The following NBPF3 variants were observed in gnomAD, a reference collection of about 807,000 sequenced individuals.
NBPF3 encodes the protein NBPF family member NBPF3.
In NBPF3, 57 loss-of-function variants were observed where a neutral mutation model predicts 78.1. The observed-to-expected ratio is 0.73, with a 90% CI of 0.59 to 0.91. The LOEUF (loss-of-function observed/expected upper bound fraction) is 0.91. NBPF3 is among the 40% of genes least tolerant of loss of function. NBPF3 has a pLI of 0.00. For synonymous variants in NBPF3, 182 were observed against 271.7 expected (o/e 0.67, Z 3.25); for missense variants, 510 against 715.3 (o/e 0.71, Z 3.27).
chr1:21,465,117 A>G (rs1171828221), intron 2 of NBPF3, among the ~76,000 whole-genome samples: 1 of 152,058 alleles, frequency 6.6e-6, no homozygotes, highest in Non-Finnish European at 1.5e-5. Flanking sequence ...TAAATTCCAG[A>G]AGATTTCCTT....
chr1:21,459,863 G>A, intron 2 of NBPF3: 1 of 248,588 alleles, frequency 4.0e-6, no homozygotes. Flanking sequence ...GTGAGTCCAG[G>A]ACCACAGTAC....
rs1640531907 is a variant in NBPF3, at chr1:21,440,140, G to T, written c.-348G>T. On this transcript the variant is annotated 5_prime_UTR_variant, in exon 1 of 15. It adds an upstream start codon to the 5' untranslated region. Transcript: ENST00000318249. ...AGGCGCAGGCGCAGGCGCAGGCACA[G>T]GCGAGGGGTTGGGTGGCGGTTGAGA... 6.6e-6 allele frequency: 1 copy of T among 152,506 alleles called. No individual in the cohort carries two copies. Among genetic ancestry groups the T allele is most frequent in the Non-Finnish European group, 1.5e-5 (1 of 68,248 alleles). 9.4% of individuals were successfully genotyped at this position (152,506 alleles called of 1,614,324 possible).
chr1:21,457,190 A>G (rs12063807), intron 2 of NBPF3, among the ~76,000 whole-genome samples: 65 of 89,994 alleles, frequency 7.2e-4, no homozygotes, highest in Middle Eastern at 0.014. Context: ...GTGTGTGTGT[A>G]TGTATGTGTG....
chr1:21,462,179 G>A (rs1641986533), intron 2 of NBPF3, among the ~76,000 whole-genome samples: 2 of 152,156 alleles, frequency 1.3e-5, no homozygotes, highest in Non-Finnish European at 2.9e-5. Context: ...ATGAGCAAAA[G>A]GCACCTCTTG....
chr1:21,479,276 T>C lies in NBPF3; in HGVS notation c.1157-73T>C, dbSNP rs866481375. 1.8e-5 allele frequency: 27 copies of C among 1,472,578 alleles called. No homozygotes were observed. In the Middle Eastern group the frequency reaches 3.1e-3, roughly 171 times the overall value. 91.2% of individuals were successfully genotyped at this position (1,472,578 alleles called of 1,614,324 possible). ...AAGACTGATGTCCCTGTGTTAGGAT[T>C]GGACAGAGGAATGTTTCCGTGTGCA... On this transcript the variant is annotated intron_variant, in intron 9 of 14. Coordinates refer to ENST00000318249, the MANE Select transcript of NBPF3 (RefSeq NM_032264.6).
upstream of NBPF3, chr1:21,437,521 G>T: frequency 2.1e-6 from 3 of 1,427,554 alleles, no homozygotes; most frequent in Non-Finnish European, 2.8e-6. Context: ...GAGCCAAGAA[G>T]CTCCTGAGCA....
intron 2 of NBPF3, among the ~76,000 whole-genome samples, chr1:21,459,360 A>T (rs1366671281): frequency 6.6e-6 from 1 of 152,258 alleles, no homozygotes; most frequent in African/African-American, 2.4e-5. Flanking sequence ...GTAAGTATTC[A>T]TAAATATATC....
At chr1:21,439,494 AAAAAAAT>A (rs1395057078), upstream of NBPF3, among the ~76,000 whole-genome samples, 2 of 152,234 alleles carry the variant, frequency 1.3e-5, no homozygotes, top group East Asian at 1.9e-4. Context: ...TATCTCAAAA[AAAAAAAT>A]AAAAATAAAA....
chr1:21,458,074 C>G (rs1397901348), intron 2 of NBPF3, among the ~76,000 whole-genome samples: 1 of 152,198 alleles, frequency 6.6e-6, no homozygotes. Flanking sequence ...GAAGACCTTC[C>G]TCTGGAGCCT....
intron 1 of NBPF3, among the ~76,000 whole-genome samples, chr1:21,444,150 AGAAT>A (rs1640826643): frequency 6.6e-6 from 1 of 152,234 alleles, no homozygotes; most frequent in Non-Finnish European, 1.5e-5. Context: ...ATTTCTTAAA[AGAAT>A]GAATGAATGA....
chr1:21,472,043 G>T (rs1177537152), intron 5 of NBPF3, among the ~76,000 whole-genome samples: 1 of 152,174 alleles, frequency 6.6e-6, no homozygotes, highest in African/African-American at 2.4e-5. Context: ...CACGTTTCTA[G>T]TTTTAAAGGA....
chr1:21,470,053 T>G (rs1642500148), intron 3 of NBPF3, among the ~76,000 whole-genome samples: 1 of 152,246 alleles, frequency 6.6e-6, no homozygotes, highest in Non-Finnish European at 1.5e-5. Context: ...CTACTGTTTC[T>G]AAATTAACAC....
intron 8 of NBPF3, 31 bp downstream of exon 8, chr1:21,474,982 C>T (rs773368201): frequency 6.3e-7 from 1 of 1,575,720 alleles, no homozygotes; most frequent in East Asian, 2.3e-5. Context: ...GCTGTTAATT[C>T]AATAGTGGCA....
intron 2 of NBPF3, among the ~76,000 whole-genome samples, chr1:21,448,337 T>A (rs1641107316): frequency 1.3e-5 from 2 of 152,132 alleles, no homozygotes; most frequent in Non-Finnish European, 2.9e-5. Context: ...TATTATTTTT[T>A]TTTTTTGCAT....
At position 21,476,587 on chromosome 1, in the gene NBPF3, G is replaced by T. The variant is rs1414402698; in HGVS notation, c.993-1557G>T. ...CTGGGTTGAAAATTCTTTTGTTTAT[G>T]AATGTCGAATATTGGCCTCCACTCT... On this transcript the variant is annotated intron_variant, in intron 8 of 14. Coordinates refer to ENST00000318249, the MANE Select transcript of NBPF3 (RefSeq NM_032264.6). This position sits in a 1 kb window ranked among gnomAD's most constrained non-coding sequence, Gnocchi z 4.1. 6.6e-6 allele frequency among the ~76,000 whole-genome samples: 1 copy of T among 152,182 alleles called. No homozygotes were observed. The highest frequency in any genetic ancestry group is 1.5e-5 in the Non-Finnish European group (1 of 68,040).
chr1:21,477,760 T>G (rs1280611889), intron 8 of NBPF3, among the ~76,000 whole-genome samples: 1 of 152,228 alleles, frequency 6.6e-6, no homozygotes, highest in Non-Finnish European at 1.5e-5. Context: ...ATACACAAGA[T>G]CTGTGTCTGC....
rs1250243475 is a variant in NBPF3, at chr1:21,483,199, A to G, written c.1715A>G (p.Asp572Gly). Residue 572 changes from aspartate (D) to glycine (G), a missense_variant, in exon 15 of 15, where the codon GAT becomes GGT. Physicochemically the swap from Asp to Gly is moderately conservative, Grantham distance 94. Transcript: ENST00000318249. Reference protein sequence around the residue: ...EEPEVLQDSLDRCYSTTSTYF... With the variant: ...EEPEVLQDSLGRCYSTTSTYF... The stretch of plus-strand genomic sequence containing the variant: ...CCTGAAGTCTTGCAGGACTCACTGG[A>G]TAGATGTTATTCGACTACTTCAACT... 13 of 1,596,260 alleles carry G rather than the reference A, an allele frequency of 8.1e-6. No homozygotes were observed. Among genetic ancestry groups the G allele is most frequent in the Non-Finnish European group, 1.1e-5 (13 of 1,172,156 alleles).
intron 2 of NBPF3, among the ~76,000 whole-genome samples, chr1:21,462,439 C>T (rs1027077425): frequency 2.6e-5 from 4 of 152,036 alleles, no homozygotes; most frequent in African/African-American, 9.7e-5. Flanking sequence ...GCAAATTTTA[C>T]CTCAGTGAAG....
At chr1:21,465,715 G>C (rs12073740) in intron 2 of NBPF3, among the ~76,000 whole-genome samples, 2,075 of 152,266 alleles carry the variant, frequency 0.014, 55 homozygotes, top group African/African-American at 0.046. Flanking sequence ...TAGAAATGAA[G>C]TTTGCCTCTT....
Sources: allele counts gnomAD v4.1 joint callset (sites outside exome capture counted in the v4.1 genomes callset), GRCh38; gene constraint gnomAD v4.1.1; non-coding constraint Gnocchi (gnomAD v3.1); transcripts MANE v1.5; gene names NCBI Gene and HGNC (gene_info 2026-07-23, HGNC 2026-07-21).